MTMR3: variants seen among roughly 807,000 people sequenced by gnomAD.
The protein encoded by MTMR3 is phosphatidylinositol-3,5-bisphosphate 3-phosphatase MTMR3.
A neutral mutation model predicts 132.4 loss-of-function variants in MTMR3; 32 were observed. That is an observed-to-expected ratio of 0.24 (90% confidence interval 0.18 to 0.32). The LOEUF is 0.32. MTMR3 is among the 10% of genes least tolerant of loss of function. The pLI is 1.00. For missense variants in MTMR3, 1,216 were observed against 1,489.6 expected (o/e 0.82, Z 3.02); for synonymous variants, 556 against 550.3 (o/e 1.01, Z -0.14).
In MTMR3 at chr22:30,009,228, T is replaced by C. The variant is rs915241476; in HGVS notation, c.1121+99T>C. On this transcript the variant is annotated intron_variant, in intron 12 of 19. Transcript: ENST00000401950. ...GGGAAAAAAAGAAAAAAAAATTAAT[T>C]TGGAGCAGTCTTTCCTTCTGTTTCT... The C allele has an allele frequency of 1.3e-5, 11 of 830,758 alleles. No homozygotes were observed. In the African/African-American group the frequency reaches 1.5e-4, roughly 12 times the overall value. The allele number at this position is 830,758 out of a possible 1,614,324, so 51.5% of individuals were successfully genotyped here.
At chr22:30,016,245 C>T (rs1461694079) in intron 14 of MTMR3, 1 of 366,480 alleles carries the variant, frequency 2.7e-6, no homozygotes, top group East Asian at 5.4e-5. Context: ...AGTTCATATG[C>T]TGTGGCGCTT....
intron 2 of MTMR3, among the ~76,000 whole-genome samples, chr22:29,966,779 CTG>C (rs941414840): frequency 1.3e-4 from 18 of 135,268 alleles, no homozygotes; most frequent in Middle Eastern, 3.9e-3. Flanking sequence ...GTGTCTGTCT[CTG>C]TGTGTGTGTG....
At chr22:29,974,422 G>T (rs369795186) in intron 3 of MTMR3, among the ~76,000 whole-genome samples, 3 of 152,176 alleles carry the variant, frequency 2.0e-5, no homozygotes, top group African/African-American at 7.2e-5. Context: ...GTGTACAAGG[G>T]GAGAAAAGTT....
chr22:29,913,727 T>G (rs543560457), intron 1 of MTMR3, among the ~76,000 whole-genome samples: 10 of 104,320 alleles, frequency 9.6e-5, no homozygotes, highest in Middle Eastern at 5.3e-3. Context: ...GATATTGGGG[T>G]TTTTTTTTTT....
chr22:29,991,914 G>A (rs747460665), intron 7 of MTMR3: 45 of 339,260 alleles, frequency 1.3e-4, no homozygotes, highest in Middle Eastern at 7.6e-4. Flanking sequence ...ACTATAATAA[G>A]GTTTTATGAA....
At chr22:29,913,831 A>C (rs1466642222) in intron 1 of MTMR3, among the ~76,000 whole-genome samples, 1 of 151,854 alleles carries the variant, frequency 6.6e-6, no homozygotes, top group Non-Finnish European at 1.5e-5. Context: ...GGCTAACTGC[A>C]ACCTCCGCCT....
At chr22:29,910,336 G>A (rs2065186372) in intron 1 of MTMR3, among the ~76,000 whole-genome samples, 1 of 152,168 alleles carries the variant, frequency 6.6e-6, no homozygotes, top group East Asian at 1.9e-4. Flanking sequence ...ACTGTAGTTG[G>A]TAGTAAACTG....
chr22:29,913,722 TG>T (rs902020632), intron 1 of MTMR3, among the ~76,000 whole-genome samples: 5 of 147,696 alleles, frequency 3.4e-5, no homozygotes, highest in Admixed American at 1.3e-4. Flanking sequence ...TAATGGATAT[TG>T]GGGTTTTTTT....
chr22:29,960,887 T>G (rs181881534), intron 2 of MTMR3, among the ~76,000 whole-genome samples: 75 of 152,270 alleles, frequency 4.9e-4, no homozygotes, highest in Non-Finnish European at 8.2e-4. Flanking sequence ...GTTTAAAAGC[T>G]TTTTTTGTAG....
At chr22:30,023,714 C>T (rs1416313478) in intron 19 of MTMR3, 7 of 548,794 alleles carry the variant, frequency 1.3e-5, no homozygotes, top group East Asian at 3.1e-5. Flanking sequence ...TCAGCCAGGC[C>T]GTCTTGCTTG....
intron 1 of MTMR3, among the ~76,000 whole-genome samples, chr22:29,938,904 C>T (rs2065802520): frequency 6.6e-6 from 1 of 152,074 alleles, no homozygotes; most frequent in South Asian, 2.1e-4. Context: ...TCACTACAAC[C>T]TCCACCTCCC....
chr22:29,975,705 A>G (rs1555909876), intron 3 of MTMR3, among the ~76,000 whole-genome samples: 1 of 152,258 alleles, frequency 6.6e-6, no homozygotes, highest in Non-Finnish European at 1.5e-5. Context: ...CCTCAGGTGC[A>G]GGTGATCCTC....
At chr22:29,916,405 C>A (rs2065308521) in intron 1 of MTMR3, among the ~76,000 whole-genome samples, 1 of 152,206 alleles carries the variant, frequency 6.6e-6, no homozygotes, top group Non-Finnish European at 1.5e-5. Context: ...CTGCTTCAGC[C>A]TTCGGAGACA....
In MTMR3 at chr22:29,986,502, G is replaced by T. The variant is rs532191211; in HGVS notation, c.211-1978G>T. The T allele has an allele frequency of 2.8e-3, 2,020 of 713,524 alleles. 39 individuals carry two copies. The African/African-American group carries it at 0.038, about 13-fold the overall frequency. The allele number at this position is 713,524 out of a possible 1,614,324, so 44.2% of individuals were successfully genotyped here. Reference sequence around the variant, plus strand: ...TCTCTGATAAATTGTAGGTTTGTTTGTTTTTTTTTTTCCTTCTTAGATGCA... The same window carrying T: ...TCTCTGATAAATTGTAGGTTTGTTTTTTTTTTTTTTTCCTTCTTAGATGCA... On this transcript the variant is annotated intron_variant, in intron 5 of 19. Coordinates refer to ENST00000401950, the MANE Select transcript of MTMR3 (RefSeq NM_021090.4).
chr22:29,973,338 A>G, intron 3 of MTMR3, among the ~76,000 whole-genome samples: 1 of 152,222 alleles, frequency 6.6e-6, no homozygotes, highest in Admixed American at 6.5e-5. Context: ...CACTCATATG[A>G]ACATCATTCA....
intron 1 of MTMR3, among the ~76,000 whole-genome samples, chr22:29,927,545 G>A (rs2145782085): frequency 6.6e-6 from 1 of 152,116 alleles, no homozygotes; most frequent in South Asian, 2.1e-4. Context: ...AAACATTTTT[G>A]TTTTAAATTC....
chr22:29,913,174 G>C (rs2145752044), intron 1 of MTMR3, among the ~76,000 whole-genome samples: 1 of 152,206 alleles, frequency 6.6e-6, no homozygotes, highest in South Asian at 2.1e-4. Flanking sequence ...CTTGAGCCCA[G>C]GACATCAAGA....
Position 29,971,050 on chromosome 22 carries a change from G to C in MTMR3, c.-10G>C. 6.3e-7 allele frequency: 1 copy of C among 1,593,802 alleles called. No homozygotes were observed. The highest frequency in any genetic ancestry group is 8.5e-7 in the Non-Finnish European group (1 of 1,172,194). ...ACGGGGATTTCTCCTCCTAATCTGG[G>C]CCTCTTGTCATGGTAAGTACAAGGA... is the stretch of plus-strand genomic sequence containing the variant. On this transcript the variant is annotated 5_prime_UTR_variant, in exon 3 of 20. Transcript: ENST00000401950.
chr22:29,886,505 C>G (rs562993171), intron 1 of MTMR3, among the ~76,000 whole-genome samples: 3 of 152,304 alleles, frequency 2.0e-5, no homozygotes, highest in African/African-American at 7.2e-5. Flanking sequence ...GGGAATGTCA[C>G]TTAACTTCTC....
Sources: gnomAD v4.1 joint callset for allele counts (sites outside exome capture counted in the v4.1 genomes callset) on GRCh38, gnomAD v4.1.1 for gene constraint, MANE v1.5 for transcripts, NCBI Gene and HGNC (gene_info 2026-07-23, HGNC 2026-07-21) for gene names.